The following CADPS2 variants were observed in gnomAD, a reference collection of about 807,000 sequenced individuals.
CADPS2 encodes calcium-dependent secretion activator 2.
A neutral mutation model predicts 172.5 loss-of-function variants in CADPS2; 93 were observed. That is an observed-to-expected ratio of 0.54 (90% CI 0.46 to 0.64). The LOEUF (loss-of-function observed/expected upper bound fraction) is 0.64. Ranked by LOEUF, CADPS2 falls within the 30% of genes least tolerant of loss-of-function variation. The pLI is 0.00. For missense variants in CADPS2, 1,420 were observed against 1,565.9 expected (o/e 0.91, Z 1.57); for synonymous variants, 546 against 555.2 (o/e 0.98, Z 0.23).
At chr7:122,690,867 G>A (rs1233313940) in intron 2 of CADPS2, among the ~76,000 whole-genome samples, 1 of 152,124 alleles carries the variant, frequency 6.6e-6, no homozygotes, top group Non-Finnish European at 1.5e-5. Context: ...TCAGTAGAAT[G>A]GCCGGACTGT....
chr7:122,754,621 T>C (rs1310706759), intron 1 of CADPS2, among the ~76,000 whole-genome samples: 2 of 151,992 alleles, frequency 1.3e-5, no homozygotes, highest in African/African-American at 4.8e-5. Context: ...GGATTACAGG[T>C]GCCCACCATC....
At chr7:122,467,587 TG>T (rs1379267459) in intron 14 of CADPS2, among the ~76,000 whole-genome samples, 1 of 152,220 alleles carries the variant, frequency 6.6e-6, no homozygotes, top group Non-Finnish European at 1.5e-5. Flanking sequence ...GCCCTGTACT[TG>T]AAAGCAAGCA....
chr7:122,564,401 T>C (rs113435165), intron 7 of CADPS2, among the ~76,000 whole-genome samples: 33 of 152,022 alleles, frequency 2.2e-4, no homozygotes, highest in East Asian at 2.1e-3. Flanking sequence ...CTCTGCCTCC[T>C]AGGTTCAAGC....
chr7:122,335,537 A>G (rs1382249849), intron 28 of CADPS2, among the ~76,000 whole-genome samples: 2 of 152,226 alleles, frequency 1.3e-5, no homozygotes, highest in Non-Finnish European at 2.9e-5. Flanking sequence ...CCAGTGAGAG[A>G]AAAAGTCAAC....
Position 122,416,089 on chromosome 7 carries a change from A to T in CADPS2, c.2552T>A (p.Leu851Ter). The change falls in exon 18 of 30, where the codon TTA becomes TAA. Residue 851 changes from leucine (L) to a stop codon, truncating the protein, a stop_gained. Coordinates refer to ENST00000449022, the MANE Select transcript of CADPS2 (RefSeq NM_017954.11). LOFTEE classifies it high-confidence loss of function. ...LHLAELCIEVLQQNEEHHAEG... is the reference protein window; with the variant it reads ...LHLAELCIEV ...TGCATGATGCTCTTCATTCTGCTGT[A>T]AGACTTCTATGCAGAGCTCTGCCAG... 6.5e-7 allele frequency: 1 copy of T among 1,544,746 alleles called. No individual in the cohort carries two copies. Among genetic ancestry groups the T allele is most frequent in the Non-Finnish European group, 8.8e-7 (1 of 1,139,726 alleles).
intron 1 of CADPS2, among the ~76,000 whole-genome samples, chr7:122,743,573 T>A (rs2092591694): frequency 6.6e-6 from 1 of 152,156 alleles, no homozygotes; most frequent in Non-Finnish European, 1.5e-5. Flanking sequence ...AGAAAACTTG[T>A]GGGTCCCTCC....
rs1173009562 is a variant in CADPS2 at position 122,501,874 on chromosome 7, CAAAAAAAAAAAAA to C, written c.1543-10467_1543-10455del. On this transcript the variant is annotated intron_variant, in intron 9 of 29. Transcript: ENST00000449022. ...TGGGCAACAAGGCAAGACTCCGTCT[CAAAAAAAAAAAAA>C]AAAAAAAAAAAGGAAAAAAAAAGTC... is the stretch of plus-strand genomic sequence containing the variant. Among the ~76,000 whole-genome samples the C allele has an allele frequency of 7.1e-5, 3 of 42,170 alleles. No individual in the cohort carries two copies. In the Admixed American group the frequency reaches 8.1e-4, roughly 11 times the overall value. The allele number at this position is 42,170 out of a possible 152,430, so 27.7% of individuals were successfully genotyped here.
chr7:122,865,429 C>T (rs775033022), intron 1 of CADPS2, among the ~76,000 whole-genome samples: 1 of 152,156 alleles, frequency 6.6e-6, no homozygotes, highest in Non-Finnish European at 1.5e-5. Flanking sequence ...ACATGTGAGA[C>T]CCTGACTGTT....
chr7:122,768,273 G>C (rs1242851689), intron 1 of CADPS2, among the ~76,000 whole-genome samples: 3 of 152,088 alleles, frequency 2.0e-5, no homozygotes, highest in African/African-American at 7.2e-5. Flanking sequence ...TGCTACTTTA[G>C]AATGGTAGTA....
At position 122,637,207 on chromosome 7, in the gene CADPS2, T is replaced by C. The variant is rs1215136964; in HGVS notation, c.787-7879A>G. ...TTTTTTTTTTTTTTTTTTTTTTTTT[T>C]TCCTGAGACAGGGTCTCACTCTGTG... On this transcript the variant is annotated intron_variant, in intron 3 of 29. Transcript: ENST00000449022. 3.5e-4 allele frequency among the ~76,000 whole-genome samples: 37 copies of C among 106,038 alleles called. 1 individual carries two copies. The highest frequency in any genetic ancestry group is 1.3e-3 in the African/African-American group (34 of 27,178). The allele number at this position is 106,038 out of a possible 152,430, so 69.6% of individuals were successfully genotyped here.
intron 9 of CADPS2, among the ~76,000 whole-genome samples, chr7:122,496,558 T>C (rs1188654224): frequency 6.6e-6 from 1 of 152,214 alleles, no homozygotes; most frequent in East Asian, 1.9e-4. Flanking sequence ...ATTAGCCTCA[T>C]CTCACAAGTA....
chr7:122,804,602 A>G (rs1281754415), intron 1 of CADPS2, among the ~76,000 whole-genome samples: 1 of 152,210 alleles, frequency 6.6e-6, no homozygotes, highest in Non-Finnish European at 1.5e-5. Context: ...AAGATGCGAA[A>G]TTTAAGCCTT....
At chr7:122,868,142 C>T (rs1818779599) in intron 1 of CADPS2, among the ~76,000 whole-genome samples, 1 of 152,092 alleles carries the variant, frequency 6.6e-6, no homozygotes, top group African/African-American at 2.4e-5. Flanking sequence ...GCATCGAGTG[C>T]TCCAACTTTT....
intron 7 of CADPS2, among the ~76,000 whole-genome samples, chr7:122,562,761 GTGCTTATATCT>G (rs1197714711): frequency 1.3e-5 from 2 of 151,988 alleles, no homozygotes; most frequent in African/African-American, 4.8e-5. Context: ...TACTTTGTGT[GTGCTTATATCT>G]TGCACACACC....
chr7:122,467,451 G>A (rs892596062), intron 14 of CADPS2, among the ~76,000 whole-genome samples: 1 of 152,118 alleles, frequency 6.6e-6, no homozygotes, highest in Non-Finnish European at 1.5e-5. Context: ...GAAGACAGAG[G>A]TATTATGATA....
At chr7:122,496,567 T>C (rs77342258) in intron 9 of CADPS2, among the ~76,000 whole-genome samples, 1 of 152,208 alleles carries the variant, frequency 6.6e-6, no homozygotes, top group African/African-American at 2.4e-5. Flanking sequence ...ATCTCACAAG[T>C]AGCATTTTTA....
At chr7:122,446,842 C>T (rs1489987148) in intron 15 of CADPS2, among the ~76,000 whole-genome samples, 1 of 152,132 alleles carries the variant, frequency 6.6e-6, no homozygotes, top group Non-Finnish European at 1.5e-5. Flanking sequence ...AAATGCTCTT[C>T]TGGCAGTAAG....
chr7:122,405,772 T>A (rs1472271155), intron 20 of CADPS2, among the ~76,000 whole-genome samples: 1 of 152,184 alleles, frequency 6.6e-6, no homozygotes, highest in East Asian at 1.9e-4. Context: ...TATGGTTGAA[T>A]CTAAGGTAGG....
intron 2 of CADPS2, among the ~76,000 whole-genome samples, chr7:122,726,959 A>G (rs1275658782): frequency 6.6e-6 from 1 of 151,974 alleles, no homozygotes; most frequent in African/African-American, 2.4e-5. Flanking sequence ...TGATTAATGA[A>G]GGAGTAATCC....
Sources: gnomAD v4.1 joint callset for allele counts (sites outside exome capture counted in the v4.1 genomes callset) on GRCh38, gnomAD v4.1.1 for gene constraint, MANE v1.5 for transcripts, NCBI Gene and HGNC (gene_info 2026-07-23, HGNC 2026-07-21) for gene names.